The following XYLT1 variants were observed in gnomAD, a reference collection of about 807,000 sequenced individuals.
XYLT1 encodes the protein xylosyltransferase 1, also known as beta-D-xylosyltransferase 1.
In XYLT1, 36 loss-of-function variants were observed where a neutral mutation model predicts 91.3. The observed-to-expected ratio is 0.39, with a 90% CI of 0.30 to 0.52. The LOEUF (loss-of-function observed/expected upper bound fraction) is 0.52, where lower values mean the gene tolerates loss of function less well. XYLT1 is among the 20% of genes least tolerant of loss of function. The pLI is 0.68. For synonymous variants in XYLT1, 588 were observed against 532.0 expected, an observed-to-expected ratio of 1.11 and a Z score of -1.45; for missense variants, 1,242 against 1,284.5, an observed-to-expected ratio of 0.97 and a Z score of 0.51.
At chr16:17,201,118 T>G (rs1310604266) in intron 3 of XYLT1, among the ~76,000 whole-genome samples, 2 of 152,234 alleles carry the variant, frequency 1.3e-5, no homozygotes, top group Non-Finnish European at 2.9e-5. Context: ...ACAGATAGCA[T>G]GAAATCTCCC....
rs1318801124 is a variant in XYLT1 at position 17,112,156 on chromosome 16, G to A, written c.2558-3139C>T. 2.0e-5 allele frequency among the ~76,000 whole-genome samples: 3 copies of A among 152,104 alleles called. No homozygotes were observed. In the East Asian group the frequency reaches 5.8e-4, roughly 29 times the overall value. ...CCCTTATGAGAAATGAGGTTAATGT[G>A]GGAAACGCTATTACAATATTAGCTT... On this transcript the variant is annotated intron_variant, in intron 11 of 11. Transcript: ENST00000261381.
chr16:17,164,054 A>AAAC (rs1395888547), intron 5 of XYLT1, among the ~76,000 whole-genome samples: 2 of 148,078 alleles, frequency 1.4e-5, no homozygotes, highest in African/African-American at 4.9e-5. Context: ...AAAAAAAAAA[A>AAAC]AAAAAAAAAA....
chr16:17,353,005 G>C, intron 2 of XYLT1, among the ~76,000 whole-genome samples: 1 of 152,120 alleles, frequency 6.6e-6, no homozygotes, highest in Non-Finnish European at 1.5e-5. Flanking sequence ...TTTGCTACAG[G>C]AGCCCTGTTC....
chr16:17,346,341 G>A (rs2035143740), intron 2 of XYLT1, among the ~76,000 whole-genome samples: 1 of 152,044 alleles, frequency 6.6e-6, no homozygotes, highest in African/African-American at 2.4e-5. Flanking sequence ...AGTGTGCAGG[G>A]GACAGGACAA....
At chr16:17,154,449 CTG>C (rs1413720800) in intron 6 of XYLT1, among the ~76,000 whole-genome samples, 3 of 152,226 alleles carry the variant, frequency 2.0e-5, no homozygotes, top group African/African-American at 7.2e-5. Context: ...TCCCCACACA[CTG>C]AGACTTGAAC....
At chr16:17,447,885 C>A (rs2036613312) in intron 1 of XYLT1, among the ~76,000 whole-genome samples, 1 of 152,176 alleles carries the variant, frequency 6.6e-6, no homozygotes, top group Non-Finnish European at 1.5e-5. Context: ...ACACCCAGTA[C>A]CTTGCTTGGC....
chr16:17,181,325 G>A (rs1202926987), intron 5 of XYLT1, among the ~76,000 whole-genome samples: 6 of 152,108 alleles, frequency 3.9e-5, no homozygotes, highest in Non-Finnish European at 8.8e-5. Context: ...CTGCATTTCT[G>A]TATTAGTACA....
rs569092197 is a variant in XYLT1 at position 17,122,897 on chromosome 16, T to C, written c.2223+4769A>G. Among the ~76,000 whole-genome samples, 10 of 152,246 alleles carry C rather than the reference T, an allele frequency of 6.6e-5. No homozygotes were observed. The South Asian group carries it at 2.1e-3, about 32-fold the overall frequency. On this transcript the variant is annotated intron_variant, in intron 10 of 11. Coordinates refer to ENST00000261381, the MANE Select transcript of XYLT1 (RefSeq NM_022166.4). ...TGTTGAAGATCAGTAAGTATTTGGCTTTATTTCTGGGTTCTCTATTCTGTT... is the reference window on the plus strand; with the variant it reads ...TGTTGAAGATCAGTAAGTATTTGGCCTTATTTCTGGGTTCTCTATTCTGTT...
Position 17,470,755 on chromosome 16 carries a change from C to A in XYLT1, c.42G>T (p.Ser14=). Residue 14 remains serine, a synonymous_variant, in exon 1 of 12, where the codon TCG becomes TCT. Coordinates refer to ENST00000261381, the MANE Select transcript of XYLT1 (RefSeq NM_022166.4). ...APCARRLARR[S]HSALLAALTV... is the part of the protein sequence containing the mutation. ...TGAGCGCCGCGAGCAGCGCCGAGTGCGAGCGCCGGGCCAGCCTCCGGGCGC... is the reference window on the plus strand; with the variant it reads ...TGAGCGCCGCGAGCAGCGCCGAGTGAGAGCGCCGGGCCAGCCTCCGGGCGC... The A allele has an allele frequency of 9.1e-7, 1 of 1,098,634 alleles. No homozygotes were observed. The highest frequency in any genetic ancestry group is 1.1e-6 in the Non-Finnish European group (1 of 893,674). 68.1% of individuals were successfully genotyped at this position (1,098,634 alleles called of 1,614,324 possible). A position where few individuals can be genotyped will look rare whatever the true frequency, so the allele number is the denominator to read the frequency against.
intron 1 of XYLT1, among the ~76,000 whole-genome samples, chr16:17,368,031 T>TGAC (rs1192027606): frequency 6.6e-6 from 1 of 152,246 alleles, no homozygotes. Flanking sequence ...CAAGAGCCTC[T>TGAC]GACCAGGACA....
chr16:17,432,878 G>C (rs1455808210), intron 1 of XYLT1, among the ~76,000 whole-genome samples: 1 of 151,748 alleles, frequency 6.6e-6, no homozygotes, highest in African/African-American at 2.4e-5. Flanking sequence ...CTTGTCAAAA[G>C]AGGAAAAAAA....
At chr16:17,452,113 G>C (rs561653786) in intron 1 of XYLT1, among the ~76,000 whole-genome samples, 1 of 152,098 alleles carries the variant, frequency 6.6e-6, no homozygotes, top group Non-Finnish European at 1.5e-5. Context: ...CAAGCATTGA[G>C]AATTAAGGAA....
intron 2 of XYLT1, among the ~76,000 whole-genome samples, chr16:17,301,467 C>G (rs1345287151): frequency 3.3e-5 from 5 of 152,054 alleles, no homozygotes; most frequent in Non-Finnish European, 7.4e-5. Context: ...AAAGCTCAAC[C>G]CTATCTGATA....
Position 17,198,381 on chromosome 16 carries a change from C to T in XYLT1, c.1120G>A (p.Val374Ile). ...SNYLHRQVLQ[V>I]SRQYSNVRVT... is the part of the protein sequence containing the mutation. ...CGGACATTGCTGTACTGCCTGGAGA[C>T]CTGGAGCACTTGCCGATGCAGGTAA... Residue 374 changes from valine to isoleucine, a missense_variant, in exon 5 of 12, where the codon GTC becomes ATC. Around this residue, in one of 3 missense-constraint regions of XYLT1, gnomAD observed 294 missense variants for 376.0 expected, o/e 0.78. Coordinates refer to ENST00000261381, the MANE Select transcript of XYLT1 (RefSeq NM_022166.4). The T allele has an allele frequency of 1.2e-6, 2 of 1,614,138 alleles. No homozygotes were observed. Among genetic ancestry groups the T allele is most frequent in the Non-Finnish European group, 8.5e-7 (1 of 1,180,012 alleles).
rs1042216066 is a variant in XYLT1, at chr16:17,178,092, C to T, written c.1290-19183G>A. Among the ~76,000 whole-genome samples, 4 of 42,308 alleles carry T rather than the reference C, an allele frequency of 9.5e-5. No homozygotes were observed. The African/African-American group carries it at 1.1e-3, about 11-fold the overall frequency. 27.8% of individuals were successfully genotyped at this position (42,308 alleles called of 152,430 possible). On this transcript the variant is annotated intron_variant, in intron 5 of 11. Transcript: ENST00000261381. The stretch of plus-strand genomic sequence containing the variant: ...AGAGAAGGCTGGGTGGTAAGAAAAC[C>T]GGTATGCTCTGGCTGGCAGGAACTC...
At chr16:17,114,572 G>C (rs190961651) in intron 11 of XYLT1, among the ~76,000 whole-genome samples, 1 of 152,274 alleles carries the variant, frequency 6.6e-6, no homozygotes, top group East Asian at 1.9e-4. Context: ...AAAGTGGTTT[G>C]AGAGTTTTTC....
intron 3 of XYLT1, among the ~76,000 whole-genome samples, chr16:17,216,262 T>G (rs12596556): frequency 0.28 from 43,255 of 152,090 alleles, 7,376 homozygotes; most frequent in East Asian, 0.54. Flanking sequence ...TTATTACAAA[T>G]GGAGCCTCTC....
At chr16:17,405,823 T>A (rs1467617350) in intron 1 of XYLT1, among the ~76,000 whole-genome samples, 1 of 152,172 alleles carries the variant, frequency 6.6e-6, no homozygotes, top group African/African-American at 2.4e-5. Flanking sequence ...ATGTAAAGAA[T>A]TCCTCCATTT....
chr16:17,138,996 CGGCAACATAGGGAA>C (rs1230147435), intron 7 of XYLT1, among the ~76,000 whole-genome samples: 1 of 152,198 alleles, frequency 6.6e-6, no homozygotes, highest in African/African-American at 2.4e-5. Flanking sequence ...CATCGCCAGA[CGGCAACATAGGGAA>C]GGGAGTGGGT....
Sources: allele counts gnomAD v4.1 joint callset (sites outside exome capture counted in the v4.1 genomes callset), GRCh38; gene constraint gnomAD v4.1.1; regional missense constraint gnomAD v4.1.1; transcripts MANE v1.5; gene names NCBI Gene and HGNC (gene_info 2026-07-23, HGNC 2026-07-21).